NLRP4: variants seen among roughly 807,000 people sequenced by gnomAD.
The protein encoded by NLRP4 is NACHT, LRR and PYD domains-containing protein 4.
NLRP4 carries 44 observed loss-of-function variants against 84.7 expected under a neutral mutation model. The observed-to-expected ratio is 0.52, with a 90% CI of 0.41 to 0.67. The LOEUF (loss-of-function observed/expected upper bound fraction) is 0.67, where lower values mean the gene tolerates loss of function less well. Among genes scored for constraint, NLRP4 ranks in the 30% least tolerant of loss-of-function variants. The probability of loss-of-function intolerance (pLI) is 0.00; values close to 1 mark genes in which losing one functional copy is unlikely to be tolerated. For missense variants in NLRP4, 1,260 were observed against 1,219.4 expected, an observed-to-expected ratio of 1.03 and a Z score of -0.50; for synonymous variants, 544 against 476.4, an observed-to-expected ratio of 1.14 and a Z score of -1.85.
intron 5 of NLRP4, among the ~76,000 whole-genome samples, chr19:55,867,423 G>C (rs1208045995): frequency 6.6e-6 from 1 of 151,088 alleles, no homozygotes; most frequent in Non-Finnish European, 1.5e-5. Flanking sequence ...GTACCCCAGA[G>C]ACCGTAAGCC....
chr19:55,849,830 G>GCTGCGGTGTAATTTCCA (rs1568657835), intron 1 of NLRP4, among the ~76,000 whole-genome samples: 2 of 147,002 alleles, frequency 1.4e-5, no homozygotes, highest in African/African-American at 5.4e-5. Context: ...TGTAATTTCC[G>GCTGCGGTGTAATTTCCA]AAGCTGCGGT....
At chr19:55,857,333 G>GTGTA (rs1290548309) in intron 2 of NLRP4, 1 of 360,108 alleles carries the variant, frequency 2.8e-6, no homozygotes, top group Non-Finnish European at 4.9e-6. Flanking sequence ...GAATGTGTGT[G>GTGTA]TGTGTGTGTG....
chr19:55,850,727 T>G (rs1306430648), intron 1 of NLRP4, among the ~76,000 whole-genome samples: 6 of 118,574 alleles, frequency 5.1e-5, no homozygotes, highest in East Asian at 2.6e-4. Context: ...GCGGTGTACT[T>G]TCCGAGGCTG....
intron 1 of NLRP4, among the ~76,000 whole-genome samples, chr19:55,845,286 T>C (rs1983752931): frequency 6.6e-6 from 1 of 151,002 alleles, no homozygotes; most frequent in South Asian, 2.1e-4. Context: ...GTTTGGTTTT[T>C]TGTCCTTGCA....
At position 55,862,264 on chromosome 19, in the gene NLRP4, A is replaced by C. The variant is rs12462364; in HGVS notation, c.2186+105A>C. 1,014 of 318,672 alleles carry C rather than the reference A, an allele frequency of 3.2e-3. 17 individuals are homozygous for C. The highest frequency in any genetic ancestry group is 8.6e-3 in the Admixed American group (106 of 12,330). The allele number at this position is 318,672 out of a possible 1,614,324, so 19.7% of individuals were successfully genotyped here. On this transcript the variant is annotated intron_variant, in intron 5 of 9. Coordinates refer to ENST00000301295, the MANE Select transcript of NLRP4 (RefSeq NM_134444.5). ...ATTAGGTTTCAGAGAAAACTATAGC[A>C]TAAGTCTCCGTTTATTGAGACCACT...
At chr19:55,872,446 A>T (rs1985221473) in intron 7 of NLRP4, among the ~76,000 whole-genome samples, 1 of 152,212 alleles carries the variant, frequency 6.6e-6, no homozygotes, top group South Asian at 2.1e-4. Context: ...ACAGCTACCA[A>T]ACTATCTAAT....
chr19:55,849,852 G>GCTGCGGTGT (rs1568657910), intron 1 of NLRP4, among the ~76,000 whole-genome samples: 1 of 91,448 alleles, frequency 1.1e-5, no homozygotes. Flanking sequence ...TAATTTCCGA[G>GCTGCGGTGT]ACTGCGGTGT....
intron 5 of NLRP4, among the ~76,000 whole-genome samples, chr19:55,864,350 C>T (rs1984874338): frequency 6.6e-6 from 1 of 152,350 alleles, no homozygotes; most frequent in East Asian, 1.9e-4. Flanking sequence ...CTTACTTTCA[C>T]TTAGCAAAAT....
intron 3 of NLRP4, among the ~76,000 whole-genome samples, chr19:55,859,946 A>AAC (rs1984669090): frequency 8.1e-6 from 1 of 124,108 alleles, no homozygotes; most frequent in East Asian, 2.1e-4. Context: ...AAAAAAAAAA[A>AAC]AAAAAACAAA....
chr19:55,871,312 A>G (rs1402489783), intron 7 of NLRP4, among the ~76,000 whole-genome samples: 1 of 152,194 alleles, frequency 6.6e-6, no homozygotes, highest in East Asian at 1.9e-4. Context: ...GTGTTCTACA[A>G]AATGAATGCA....
In NLRP4 at chr19:55,858,365, CT is replaced by C. The variant is rs1329053278; in HGVS notation, c.974del (p.Phe325SerfsTer4). The part of the protein sequence containing the change: ...FKDPKRAMEA[F>X]NLVRESEQLF... ...AAGACCCGAAAAGAGCCATGGAAGC[CT>C]TCAATCTTGTAAGAGAAAGTGAACA... On this transcript the variant is annotated frameshift_variant, in exon 3 of 10. Transcript: ENST00000301295. LOFTEE classifies it high-confidence loss of function. This position sits in a 1 kb window ranked among gnomAD's most constrained non-coding sequence, Gnocchi z 4.2. 1 of 1,614,034 alleles carries C rather than the reference CT, an allele frequency of 6.2e-7. No homozygotes were observed. The highest frequency in any genetic ancestry group is 8.5e-7 in the Non-Finnish European group (1 of 1,180,048).
chr19:55,863,214 C>T (rs1042457711), intron 5 of NLRP4, among the ~76,000 whole-genome samples: 4 of 152,206 alleles, frequency 2.6e-5, no homozygotes, highest in African/African-American at 9.6e-5. Flanking sequence ...CTCAAGAGTA[C>T]ATCCTATGGC....
intron 7 of NLRP4, among the ~76,000 whole-genome samples, chr19:55,875,456 T>C (rs1406916968): frequency 1.3e-5 from 2 of 152,150 alleles, no homozygotes; most frequent in Non-Finnish European, 2.9e-5. Context: ...CCTTTTACAG[T>C]AACATAAAAA....
chr19:55,853,889 T>TTCTCTCTCTC (rs145906779), intron 2 of NLRP4, among the ~76,000 whole-genome samples: 54 of 132,256 alleles, frequency 4.1e-4, no homozygotes, highest in Non-Finnish European at 5.2e-4. Flanking sequence ...TGCTATCTCT[T>TTCTCTCTCTC]TCTCTCTCTC....
At chr19:55,874,235 A>G (rs566924909) in intron 7 of NLRP4, among the ~76,000 whole-genome samples, 3 of 152,342 alleles carry the variant, frequency 2.0e-5, no homozygotes, top group Admixed American at 2.0e-4. Flanking sequence ...TTAATAATAT[A>G]GTTTATTTAG....
At chr19:55,846,757 A>G (rs141585670) in intron 1 of NLRP4, among the ~76,000 whole-genome samples, 9 of 152,262 alleles carry the variant, frequency 5.9e-5, no homozygotes, top group East Asian at 1.9e-4. Context: ...TTAGGTGCTC[A>G]GTGGTGGCCT....
In NLRP4 at chr19:55,858,477, G is replaced by T; in HGVS notation, c.1084G>T (p.Ala362Ser). 1.2e-6 allele frequency: 2 copies of T among 1,614,066 alleles called. No homozygotes were observed. The highest frequency in any genetic ancestry group is 8.5e-7 in the Non-Finnish European group (1 of 1,180,032). The change falls in exon 3 of 10, where the codon GCC (alanine) becomes TCC (serine). Residue 362 changes from alanine to serine, a missense_variant. By Grantham distance (99) the Ala-to-Ser change is moderately conservative. Transcript: ENST00000301295. The surrounding 1 kb of genome is among the most constrained non-coding windows in gnomAD (Gnocchi z 4.2). ...KQEMQKGKDLALTCQSTTSVY... is the reference protein window; with the variant it reads ...KQEMQKGKDLSLTCQSTTSVY... ...AGAGATGCAGAAAGGAAAAGACCTG[G>T]CCCTGACCTGCCAGAGCACTACCTC...
At chr19:55,845,079 G>A (rs1004741046) in intron 1 of NLRP4, among the ~76,000 whole-genome samples, 9 of 151,708 alleles carry the variant, frequency 5.9e-5, no homozygotes, top group African/African-American at 2.2e-4. Context: ...ACAACGTGCA[G>A]GTTTGTTACA....
At chr19:55,860,448 G>A (rs1286717423) in intron 3 of NLRP4, among the ~76,000 whole-genome samples, 1 of 152,130 alleles carries the variant, frequency 6.6e-6, no homozygotes, top group Non-Finnish European at 1.5e-5. Context: ...GTGGTGGCAT[G>A]TGCCTGTAGC....
Sources: allele counts gnomAD v4.1 joint callset (sites outside exome capture counted in the v4.1 genomes callset), GRCh38; gene constraint gnomAD v4.1.1; non-coding constraint Gnocchi (gnomAD v3.1); transcripts MANE v1.5; gene names NCBI Gene and HGNC (gene_info 2026-07-23, HGNC 2026-07-21).